The following TMEM74 variants were observed in gnomAD, a reference collection of about 807,000 sequenced individuals.
The protein encoded by TMEM74 is transmembrane protein 74.
TMEM74 carries 13 observed loss-of-function variants against 18.1 expected under a neutral mutation model. The ratio of observed to expected loss-of-function variants is 0.72; its 90% CI spans 0.47 to 1.14. The LOEUF is 1.14. Ranked by LOEUF, TMEM74 falls within the 50% of genes most tolerant of loss-of-function variation. The probability of loss-of-function intolerance (pLI) is 0.00; values close to 1 mark genes in which losing one functional copy is unlikely to be tolerated. For missense variants in TMEM74, 372 were observed against 375.9 expected, an observed-to-expected ratio of 0.99 and a Z score of 0.09; for synonymous variants, 159 against 146.6, an observed-to-expected ratio of 1.08 and a Z score of -0.61.
chr8:108,656,323 G>A (rs1247471049), intron 1 of TMEM74, among the ~76,000 whole-genome samples: 1 of 152,082 alleles, frequency 6.6e-6, no homozygotes, highest in Admixed American at 6.6e-5. Flanking sequence ...TTAGTTCAGG[G>A]CTCATAATCG....
At chr8:108,737,259 T>C (rs7014077) in intron 1 of TMEM74, among the ~76,000 whole-genome samples, 5,446 of 152,252 alleles carry the variant, frequency 0.036, 334 homozygotes, top group African/African-American at 0.12. Flanking sequence ...CTTAGGGTAC[T>C]GATGAGGACG....
At chr8:108,787,314 G>A (rs1814402809) in intron 1 of TMEM74, among the ~76,000 whole-genome samples, 162 bp downstream of exon 1, 2 of 152,182 alleles carry the variant, frequency 1.3e-5, no homozygotes, top group South Asian at 2.1e-4. Flanking sequence ...TCCATTTCTG[G>A]TGAACTCTGC....
At position 108,784,448 on chromosome 8, in the gene TMEM74, C is replaced by T; in HGVS notation, c.651G>A (p.Leu217=). 1 of 1,614,188 alleles carries T rather than the reference C, an allele frequency of 6.2e-7. No individual in the cohort carries two copies. The highest frequency in any genetic ancestry group is 1.1e-5 in the South Asian group (1 of 91,076). ...NTVAAREMER[L]EKESARLGAH... ...CCCCCAGCCTCGCACTCTCCTTCTC[C>T]AGGCGCTCCATCTCCCGGGCTGCCA... The change falls in exon 2 of 2, where the codon CTG becomes CTA. Residue 217 remains leucine (L), a synonymous_variant. Transcript: ENST00000297459.
intron 1 of TMEM74, among the ~76,000 whole-genome samples, chr8:108,773,665 G>A (rs1814197584): frequency 6.6e-6 from 1 of 152,098 alleles, no homozygotes; most frequent in African/African-American, 2.4e-5. Context: ...TCTCCTCAGG[G>A]GACCCAGCAG....
At chr8:108,776,493 A>AAAAC (rs1158292213), downstream of TMEM74, among the ~76,000 whole-genome samples, 1 of 152,236 alleles carries the variant, frequency 6.6e-6, no homozygotes, top group African/African-American at 2.4e-5. Context: ...ATTCTGTCTT[A>AAAAC]AAACAAAAGG....
At chr8:108,655,630 G>A (rs1157072044) in intron 1 of TMEM74, among the ~76,000 whole-genome samples, 2 of 152,094 alleles carry the variant, frequency 1.3e-5, no homozygotes, top group Non-Finnish European at 2.9e-5. Flanking sequence ...CCAAGCTGCT[G>A]GATTCCAGGA....
chr8:108,665,506 T>C (rs376013454), intron 1 of TMEM74, among the ~76,000 whole-genome samples: 1 of 152,110 alleles, frequency 6.6e-6, no homozygotes, highest in Non-Finnish European at 1.5e-5. Flanking sequence ...TCCAAAGATT[T>C]CTGAGTACAT....
intron 1 of TMEM74, among the ~76,000 whole-genome samples, chr8:108,674,325 T>C (rs1335328172): frequency 6.6e-6 from 1 of 152,132 alleles, no homozygotes; most frequent in Non-Finnish European, 1.5e-5. Context: ...CTCTGAATAT[T>C]AGTGGTGAAA....
chr8:108,742,981 GA>G (rs1813816707), intron 1 of TMEM74, among the ~76,000 whole-genome samples: 1 of 152,160 alleles, frequency 6.6e-6, no homozygotes, highest in African/African-American at 2.4e-5. Flanking sequence ...ACTTGAAGAC[GA>G]TTTTTTTGCA....
chr8:108,657,858 AAATATATATATATATATAT>A (rs1195561989), intron 1 of TMEM74, among the ~76,000 whole-genome samples: 4 of 71,038 alleles, frequency 5.6e-5, no homozygotes, highest in East Asian at 5.2e-4. Flanking sequence ...AAAAAAAAAA[AAATATATATATATATATAT>A]ATATATATAT....
intron 1 of TMEM74, among the ~76,000 whole-genome samples, chr8:108,786,664 A>T (rs1379341645): frequency 6.6e-6 from 1 of 152,056 alleles, no homozygotes; most frequent in Non-Finnish European, 1.5e-5. Flanking sequence ...ACTAGAACAA[A>T]CCCCCACTAA....
Position 108,784,148 on chromosome 8 carries a change from C to T in TMEM74, c.*33G>A. 2.0e-6 allele frequency: 3 copies of T among 1,488,016 alleles called. No individual in the cohort carries two copies. The highest frequency in any genetic ancestry group is 1.4e-5 in the South Asian group (1 of 72,490). The allele number at this position is 1,488,016 out of a possible 1,614,324, so 92.2% of individuals were successfully genotyped here. The stretch of plus-strand genomic sequence containing the variant: ...TAACTTTTTTCATATTATAAAATGC[C>T]AAGGCAGACTCTCAAGATATTCACA... On this transcript the variant is annotated 3_prime_UTR_variant, in exon 2 of 2. Transcript: ENST00000297459.
At chr8:108,730,461 C>A (rs1307525365) in intron 1 of TMEM74, among the ~76,000 whole-genome samples, 1 of 152,184 alleles carries the variant, frequency 6.6e-6, no homozygotes, top group East Asian at 1.9e-4. Context: ...ATTGTATTAT[C>A]TTTTCTTGCA....
chr8:108,754,654 GGTAGGTA>G (rs1813938269), intron 1 of TMEM74, among the ~76,000 whole-genome samples: 1 of 135,312 alleles, frequency 7.4e-6, no homozygotes, highest in Admixed American at 7.3e-5. Context: ...TAGGTAGGTA[GGTAGGTA>G]GCTAGGTAGC....
At chr8:108,720,259 A>G (rs1169673087) in intron 1 of TMEM74, among the ~76,000 whole-genome samples, 1 of 152,130 alleles carries the variant, frequency 6.6e-6, no homozygotes, top group African/African-American at 2.4e-5. Context: ...ATCAATTTTG[A>G]TTTTTAAAAA....
At position 108,693,500 on chromosome 8, in the gene TMEM74, C is replaced by T. The variant is rs150355509; in HGVS notation, n.120-38063G>A. On this transcript the variant is annotated intron_variant and non_coding_transcript_variant, in intron 1 of 3. Transcript: ENST00000518838. ...TCACTCCATGATGAAAGGGCAAAAACGGATGAGTTCAGAAAATTGTGAGAA... is the reference window on the plus strand; with the variant it reads ...TCACTCCATGATGAAAGGGCAAAAATGGATGAGTTCAGAAAATTGTGAGAA... Among the ~76,000 whole-genome samples the T allele has an allele frequency of 1.6e-3, 249 of 152,260 alleles. 1 individual carries two copies. The highest frequency in any genetic ancestry group is 5.6e-3 in the African/African-American group (233 of 41,558).
Position 108,781,614 on chromosome 8 carries a change from A to C in TMEM74, c.*2567T>G, listed in dbSNP as rs1814307732. Among the ~76,000 whole-genome samples the C allele has an allele frequency of 2.0e-5, 3 of 152,224 alleles. No individual in the cohort carries two copies. Among genetic ancestry groups the C allele is most frequent in the African/African-American group, 7.2e-5 (3 of 41,466 alleles). Reference sequence around the variant, plus strand: ...ATGTGTAATGGTTTGCCCTCAGATAAGTAGAACCTTAAAAGAGAGGTGCTC... The same window carrying C: ...ATGTGTAATGGTTTGCCCTCAGATACGTAGAACCTTAAAAGAGAGGTGCTC... On this transcript the variant is annotated 3_prime_UTR_variant, in exon 2 of 2. Transcript: ENST00000297459.
In TMEM74 at chr8:108,613,699, G is replaced by C. The variant is rs1812356820; in HGVS notation, n.265-4873C>G. ...ACCACAAAGAGAATGCAAATGCCAA[G>C]AGGTCTGAATTCACTTTCAAAGTCC... On this transcript the variant is annotated intron_variant and non_coding_transcript_variant, in intron 2 of 3. Transcript: ENST00000518838. Among the ~76,000 whole-genome samples, 3 of 152,142 alleles carry C rather than the reference G, an allele frequency of 2.0e-5. No homozygotes were observed. In the South Asian group the frequency reaches 6.2e-4, roughly 32 times the overall value.
intron 1 of TMEM74, among the ~76,000 whole-genome samples, chr8:108,694,963 T>C (rs1813265985): frequency 6.6e-6 from 1 of 152,122 alleles, no homozygotes; most frequent in South Asian, 2.1e-4. Context: ...CCTTCAAGTT[T>C]CCAACTTTCA....
Sources: allele counts gnomAD v4.1 joint callset (sites outside exome capture counted in the v4.1 genomes callset), GRCh38; gene constraint gnomAD v4.1.1; transcripts MANE v1.5; gene names NCBI Gene and HGNC (gene_info 2026-07-23, HGNC 2026-07-21).